The following OMA1 variants were observed in gnomAD, a reference collection of about 807,000 sequenced individuals.
OMA1 encodes the protein metalloendopeptidase OMA1, mitochondrial.
In OMA1, 38 loss-of-function variants were observed where a neutral mutation model predicts 30.9. The observed-to-expected ratio is 1.23, with a 90% CI of 0.95 to 1.61. OMA1 has a LOEUF of 1.61. OMA1 is among the 40% of genes most tolerant of loss of function. The probability of loss-of-function intolerance (pLI) is 0.00; values close to 1 mark genes in which losing one functional copy is unlikely to be tolerated. For synonymous variants in OMA1, 173 were observed against 121.9 expected, an observed-to-expected ratio of 1.42 and a Z score of -2.76; for missense variants, 461 against 349.2, an observed-to-expected ratio of 1.32 and a Z score of -2.55.
chr1:58,499,321 A>T (rs1645859414), intron 8 of OMA1, among the ~76,000 whole-genome samples: 1 of 150,372 alleles, frequency 6.7e-6, no homozygotes, highest in Admixed American at 6.6e-5. Flanking sequence ...CTACAAAAAA[A>T]AAAAAAAAAA....
chr1:58,487,562 C>G (rs745864803), intron 8 of OMA1, among the ~76,000 whole-genome samples: 1 of 152,152 alleles, frequency 6.6e-6, no homozygotes, highest in African/African-American at 2.4e-5. Flanking sequence ...CTCTGAACTT[C>G]TGAAAAAATT....
At chr1:58,520,948 A>G (rs554230653) in intron 7 of OMA1, among the ~76,000 whole-genome samples, 1 of 152,316 alleles carries the variant, frequency 6.6e-6, no homozygotes, top group South Asian at 2.1e-4. Flanking sequence ...CAAAATTGAC[A>G]CACTTGGCAA....
At chr1:58,533,506 T>C (rs1646468674) in intron 5 of OMA1, among the ~76,000 whole-genome samples, 1 of 152,154 alleles carries the variant, frequency 6.6e-6, no homozygotes, top group Non-Finnish European at 1.5e-5. Context: ...TAATTACACA[T>C]GACACATCAT....
At chr1:58,501,937 C>T (rs1645913717) in intron 8 of OMA1, among the ~76,000 whole-genome samples, 1 of 151,990 alleles carries the variant, frequency 6.6e-6, no homozygotes, top group Non-Finnish European at 1.5e-5. Flanking sequence ...GCCCCCCACT[C>T]CCGCCCCCAG....
At chr1:58,501,424 G>T (rs1431263498) in intron 8 of OMA1, among the ~76,000 whole-genome samples, 1 of 152,146 alleles carries the variant, frequency 6.6e-6, no homozygotes, top group African/African-American at 2.4e-5. Context: ...CACTCCTCCA[G>T]TCCTCTGCTC....
At chr1:58,494,155 T>C (rs1279972351) in intron 8 of OMA1, among the ~76,000 whole-genome samples, 2 of 151,974 alleles carry the variant, frequency 1.3e-5, no homozygotes. Context: ...CTGACAAAAA[T>C]AAGAAATGGG....
At chr1:58,541,593 G>C in intron 1 of OMA1, 1 of 94,486 alleles carries the variant, frequency 1.1e-5, no homozygotes, top group Non-Finnish European at 2.0e-5. Context: ...CTCCGGCGTG[G>C]GCAACAGAAT....
At chr1:58,518,354 G>GAAGAGAAGAGAAGA (rs1428140129) in intron 7 of OMA1, among the ~76,000 whole-genome samples, 78 of 32,448 alleles carry the variant, frequency 2.4e-3, no homozygotes, top group Non-Finnish European at 3.9e-3. Context: ...AGAAGAGAAG[G>GAAGAGAAGAGAAGA]GAAGGGAAGA....
At chr1:58,485,874 T>C (rs559507274) in intron 8 of OMA1, among the ~76,000 whole-genome samples, 17 of 152,298 alleles carry the variant, frequency 1.1e-4, no homozygotes, top group African/African-American at 3.9e-4. Flanking sequence ...AATAAATCAT[T>C]ATGATAAATG....
At chr1:58,522,821 A>G (rs1343364066) in intron 7 of OMA1, among the ~76,000 whole-genome samples, 1 of 152,176 alleles carries the variant, frequency 6.6e-6, no homozygotes, top group Non-Finnish European at 1.5e-5. Flanking sequence ...GAGAAAATAT[A>G]TTTACTATTC....
intron 8 of OMA1, among the ~76,000 whole-genome samples, chr1:58,493,777 C>G (rs1010115708): frequency 3.3e-5 from 5 of 151,814 alleles, no homozygotes; most frequent in Non-Finnish European, 7.4e-5. Context: ...AGGATACAAA[C>G]AAATGGAAGA....
intron 7 of OMA1, among the ~76,000 whole-genome samples, chr1:58,506,647 TAAAATCTTTTA>T (rs1177994523): frequency 6.6e-6 from 1 of 152,156 alleles, no homozygotes; most frequent in African/African-American, 2.4e-5. Flanking sequence ...GTATTAAGGG[TAAAATCTTTTA>T]CACAAATTAA....
At chr1:58,512,615 G>A (rs1424914002) in intron 7 of OMA1, among the ~76,000 whole-genome samples, 1 of 152,154 alleles carries the variant, frequency 6.6e-6, no homozygotes, top group African/African-American at 2.4e-5. Flanking sequence ...AAACCTTGAG[G>A]ACATTAAGCT....
intron 1 of OMA1, among the ~76,000 whole-genome samples, chr1:58,539,918 G>A (rs1646578370): frequency 6.6e-6 from 1 of 152,180 alleles, no homozygotes; most frequent in Non-Finnish European, 1.5e-5. Flanking sequence ...CAGAGGACAA[G>A]AGAAGACAAG....
chr1:58,532,681 C>A (rs887742152), intron 5 of OMA1, among the ~76,000 whole-genome samples: 1 of 152,060 alleles, frequency 6.6e-6, no homozygotes, highest in Non-Finnish European at 1.5e-5. Flanking sequence ...GTGTGAGCCA[C>A]CATGCTCAGC....
At chr1:58,509,875 C>G (rs1227340198) in intron 7 of OMA1, among the ~76,000 whole-genome samples, 10 of 151,892 alleles carry the variant, frequency 6.6e-5, no homozygotes. Context: ...ATTATATGCC[C>G]ACAAACTGGA....
chr1:58,484,918 A>G (rs1645548446), intron 8 of OMA1, among the ~76,000 whole-genome samples: 1 of 152,110 alleles, frequency 6.6e-6, no homozygotes, highest in Admixed American at 6.6e-5. Context: ...AGGAATGAGT[A>G]GGCACAGAGT....
chr1:58,486,520 T>G (rs148923414), intron 8 of OMA1, among the ~76,000 whole-genome samples: 1 of 152,356 alleles, frequency 6.6e-6, no homozygotes, highest in African/African-American at 2.4e-5. Flanking sequence ...TTATCCTGCC[T>G]ATTATTACAC....
At chr1:58,535,045 C>T (rs539310614) in intron 3 of OMA1, among the ~76,000 whole-genome samples, 2 of 152,038 alleles carry the variant, frequency 1.3e-5, no homozygotes, top group Admixed American at 6.6e-5. Flanking sequence ...ACACCCTATA[C>T]CTAATAAGAA....
Sources: allele counts gnomAD v4.1 joint callset (sites outside exome capture counted in the v4.1 genomes callset), GRCh38; gene constraint gnomAD v4.1.1; transcripts MANE v1.5; gene names NCBI Gene and HGNC (gene_info 2026-07-23, HGNC 2026-07-21).